Variants in FBXO31 observed in about 807,000 individuals in gnomAD.
FBXO31 encodes F-box protein 31.
FBXO31 carries 24 observed loss-of-function variants against 54.4 expected under a neutral mutation model. That is an observed-to-expected ratio of 0.44 (90% CI 0.32 to 0.62). The LOEUF (loss-of-function observed/expected upper bound fraction) is 0.62. Among genes scored for constraint, FBXO31 ranks in the 20% least tolerant of loss-of-function variants. The pLI is 0.05. For synonymous variants in FBXO31, 388 were observed against 335.6 expected, an observed-to-expected ratio of 1.16 and a Z score of -1.71; for missense variants, 665 against 787.1, an observed-to-expected ratio of 0.84 and a Z score of 1.86.
intron 2 of FBXO31, among the ~76,000 whole-genome samples, chr16:87,354,023 G>A (rs772976063): frequency 2.8e-4 from 42 of 152,338 alleles, no homozygotes; most frequent in African/African-American, 9.6e-4. Context: ...TGCCTCATGT[G>A]CGCCTGCTCC....
upstream of FBXO31, among the ~76,000 whole-genome samples, chr16:87,385,114 G>A (rs1353430307): frequency 6.7e-6 from 1 of 150,266 alleles, no homozygotes; most frequent in Admixed American, 6.6e-5. Flanking sequence ...AAGCCCAGGA[G>A]TCGGAGACCA....
At position 87,346,602 on chromosome 16, in the gene FBXO31, G is replaced by A. The variant is rs762463223; in HGVS notation, c.489+572C>T. On this transcript the variant is annotated intron_variant, in intron 3 of 8. Transcript: ENST00000311635. This position sits in a 1 kb window ranked among gnomAD's most constrained non-coding sequence, Gnocchi z 4.2. ...AGCAGGCTGCCGGGAGAAGGGAAAC[G>A]GAGACGACTCTGCCACCAGCCTGGA... Among the ~76,000 whole-genome samples the A allele has an allele frequency of 2.4e-4, 37 of 152,174 alleles. No homozygotes were observed. Among genetic ancestry groups the A allele is most frequent in the Non-Finnish European group, 4.4e-4 (30 of 68,042 alleles).
At chr16:87,360,733 C>T (rs1906095011) in intron 1 of FBXO31, among the ~76,000 whole-genome samples, 1 of 152,232 alleles carries the variant, frequency 6.6e-6, no homozygotes, top group Admixed American at 6.5e-5. Flanking sequence ...GAAACAAATT[C>T]ACCACTGGTG....
intron 1 of FBXO31, among the ~76,000 whole-genome samples, chr16:87,375,678 G>A (rs1906791950): frequency 6.6e-6 from 1 of 152,194 alleles, no homozygotes; most frequent in Admixed American, 6.5e-5. Context: ...GCAAGGAACT[G>A]CCAGAGGCCG....
rs113589478 is a variant in FBXO31, at chr16:87,338,381, G to A, written c.733-2117C>T. ...GCTGAGGGTGACAAGGATGCCTGCT[G>A]GCTGCTTGAAACAGGAGCATGGCCC... On this transcript the variant is annotated intron_variant, in intron 5 of 8. Transcript: ENST00000311635. The surrounding 1 kb of genome is among the most constrained non-coding windows in gnomAD (Gnocchi z 4.3). Among the ~76,000 whole-genome samples the A allele has an allele frequency of 2.0e-5, 3 of 152,180 alleles. No individual in the cohort carries two copies. Among genetic ancestry groups the A allele is most frequent in the African/African-American group, 7.2e-5 (3 of 41,530 alleles).
intron 1 of FBXO31, among the ~76,000 whole-genome samples, chr16:87,365,037 A>ATATATATATATCTCTATC (rs1489132121): frequency 9.4e-6 from 1 of 106,892 alleles, no homozygotes; most frequent in African/African-American, 3.5e-5. Context: ...ATATATATAT[A>ATATATATATATCTCTATC]TATCAGGCAG....
At chr16:87,351,792 C>G (rs1905671934) in intron 2 of FBXO31, among the ~76,000 whole-genome samples, 1 of 152,106 alleles carries the variant, frequency 6.6e-6, no homozygotes, top group African/African-American at 2.4e-5. Flanking sequence ...TCGCTTGAAC[C>G]CAGGAGGCGG....
intron 2 of FBXO31, among the ~76,000 whole-genome samples, chr16:87,350,397 T>A (rs908747290): frequency 6.6e-6 from 1 of 152,076 alleles, no homozygotes; most frequent in African/African-American, 2.4e-5. Flanking sequence ...CTGCCAGCCA[T>A]CCCACACACA....
chr16:87,392,083 C>G (rs1054760367), upstream of FBXO31: 29 of 235,700 alleles, frequency 1.2e-4, no homozygotes, highest in East Asian at 1.9e-3. Flanking sequence ...CAACCGTCAC[C>G]TCAGGGGCCT....
intron 2 of FBXO31, among the ~76,000 whole-genome samples, chr16:87,352,009 G>C (rs1905682968): frequency 6.6e-6 from 1 of 152,206 alleles, no homozygotes; most frequent in Non-Finnish European, 1.5e-5. Flanking sequence ...CAGCAGCCAA[G>C]TCAATCAGCA....
upstream of FBXO31, chr16:87,383,873 G>C (rs1277889526): frequency 1.7e-4 from 108 of 639,432 alleles, no homozygotes; most frequent in Non-Finnish European, 2.2e-4. The surrounding 1 kb of genome is among the most constrained non-coding windows in gnomAD (Gnocchi z 4.9). Flanking sequence ...CCGCCCCTAC[G>C]TAGAGCTCCG....
chr16:87,357,103 G>A (rs142505400), intron 2 of FBXO31, among the ~76,000 whole-genome samples: 1,564 of 152,140 alleles, frequency 0.01, 30 homozygotes, highest in African/African-American at 0.033. Flanking sequence ...AAATTAACCA[G>A]GCATGGTGGC....
chr16:87,342,910 C>G lies in FBXO31; in HGVS notation c.699G>C (p.Thr233=). 6.2e-7 allele frequency: 1 copy of G among 1,607,756 alleles called. No individual in the cohort carries two copies. Among genetic ancestry groups the G allele is most frequent in the Non-Finnish European group, 8.5e-7 (1 of 1,177,386 alleles). The stretch of plus-strand genomic sequence containing the variant: ...TCCCGCCGGACATCCTGTGGTGGTC[C>G]GTCTGGTTGCACTTGGTGGAGAACT... ...KDEFSTKCNQ[T]DHHRMSGGRQ... is the part of the protein sequence containing the mutation. The change falls in exon 5 of 9, where the codon ACG becomes ACC. Residue 233 remains threonine, a synonymous_variant. Coordinates refer to ENST00000311635, the MANE Select transcript of FBXO31 (RefSeq NM_024735.5).
At chr16:87,366,718 G>A (rs1292809589) in intron 1 of FBXO31, among the ~76,000 whole-genome samples, 1 of 152,232 alleles carries the variant, frequency 6.6e-6, no homozygotes, top group Non-Finnish European at 1.5e-5. Flanking sequence ...CCAGCCAACA[G>A]GATCATCCAC....
At chr16:87,390,098 T>C (rs1325734651), upstream of FBXO31, among the ~76,000 whole-genome samples, 2 of 152,124 alleles carry the variant, frequency 1.3e-5, no homozygotes, top group Non-Finnish European at 2.9e-5. Context: ...CTGGCCAACA[T>C]GGTGACACCC....
At chr16:87,343,813 G>T (rs759771821) in intron 3 of FBXO31, 48 bp from the exon 4 acceptor site, 1 of 1,604,950 alleles carries the variant, frequency 6.2e-7, no homozygotes, top group Non-Finnish European at 8.5e-7. Flanking sequence ...CCGGGCCAGA[G>T]CAAGGGCGGC....
Position 87,335,525 on chromosome 16 carries a change from G to A in FBXO31, c.843-68C>T. On this transcript the variant is annotated intron_variant, in intron 6 of 8. Transcript: ENST00000311635. The surrounding 1 kb of genome is among the most constrained non-coding windows in gnomAD (Gnocchi z 5.7). ...AGGCAGGACTGAGAACGCCCAAGGT[G>A]CCAGGGATGAGCTTTGCAGGGCGGG... 9.8e-7 allele frequency: 1 copy of A among 1,019,882 alleles called. No individual in the cohort carries two copies. Among genetic ancestry groups the A allele is most frequent in the Non-Finnish European group, 1.4e-6 (1 of 712,908 alleles). The allele number at this position is 1,019,882 out of a possible 1,614,324, so 63.2% of individuals were successfully genotyped here. A position where few individuals can be genotyped will look rare whatever the true frequency, so the allele number is the denominator to read the frequency against.
chr16:87,365,570 C>A (rs1022793856), intron 1 of FBXO31, among the ~76,000 whole-genome samples: 1 of 152,200 alleles, frequency 6.6e-6, no homozygotes, highest in East Asian at 1.9e-4. Context: ...CAGCAAGATA[C>A]CCGGGATGGC....
In FBXO31 at chr16:87,345,197, G is replaced by A. The variant is rs941675139; in HGVS notation, c.490-1432C>T. Among the ~76,000 whole-genome samples the A allele has an allele frequency of 6.6e-6, 1 of 152,138 alleles. No homozygotes were observed. Among genetic ancestry groups the A allele is most frequent in the Non-Finnish European group, 1.5e-5 (1 of 68,040 alleles). On this transcript the variant is annotated intron_variant, in intron 3 of 8. Coordinates refer to ENST00000311635, the MANE Select transcript of FBXO31 (RefSeq NM_024735.5). This position sits in a 1 kb window ranked among gnomAD's most constrained non-coding sequence, Gnocchi z 4.9. ...GGAGCACAATCCCAACACCAGCACC[G>A]GATTTTCAACACAGCAAGAACGATG...
Sources: gnomAD v4.1 joint callset for allele counts (sites outside exome capture counted in the v4.1 genomes callset) on GRCh38, gnomAD v4.1.1 for gene constraint, Gnocchi (gnomAD v3.1) non-coding constraint, MANE v1.5 for transcripts, NCBI Gene and HGNC (gene_info 2026-07-23, HGNC 2026-07-21) for gene names.